NCOR2: variants seen among roughly 807,000 people sequenced by gnomAD.
NCOR2 encodes nuclear receptor corepressor 2.
A neutral mutation model predicts 262.9 loss-of-function variants in NCOR2; 81 were observed. That is an observed-to-expected ratio of 0.31 (90% CI 0.26 to 0.37). The LOEUF is 0.37. Among genes scored for constraint, NCOR2 ranks in the 10% least tolerant of loss-of-function variants. The probability of loss-of-function intolerance (pLI) is 1.00; values close to 1 mark genes in which losing one functional copy is unlikely to be tolerated. For missense variants in NCOR2, 3,385 were observed against 3,621.4 expected (o/e 0.93, Z 1.68); for synonymous variants, 1,659 against 1,559.3 (o/e 1.06, Z -1.51).
At chr12:124,356,582 C>T in intron 23 of NCOR2, 60 bp downstream of exon 25, 1 of 1,333,654 alleles carries the variant, frequency 7.5e-7, no homozygotes, top group Admixed American at 3.5e-5. Context: ...CCAGTGCAAA[C>T]AGTGCAAACA....
chr12:124,533,771 C>T (rs951468401), intron 1 of NCOR2, among the ~76,000 whole-genome samples: 4 of 152,178 alleles, frequency 2.6e-5, no homozygotes, highest in Admixed American at 1.3e-4. Context: ...TGTGGGAGCA[C>T]GATGGGGGTG....
At chr12:124,365,689 C>A (rs1006085806) in intron 20 of NCOR2, among the ~76,000 whole-genome samples, 1 of 152,048 alleles carries the variant, frequency 6.6e-6, no homozygotes, top group African/African-American at 2.4e-5. Flanking sequence ...TCTGCATGCA[C>A]CTCCACCGCC....
intron 22 of NCOR2, among the ~76,000 whole-genome samples, chr12:124,358,295 G>A (rs1244076): frequency 0.058 from 8,609 of 148,924 alleles, 327 homozygotes; most frequent in Non-Finnish European, 0.086. Flanking sequence ...GTATGTGCAC[G>A]TGCACGTGTA....
chr12:124,464,555 C>G (rs2046329926), intron 5 of NCOR2, among the ~76,000 whole-genome samples: 1 of 152,228 alleles, frequency 6.6e-6, no homozygotes, highest in Non-Finnish European at 1.5e-5. Flanking sequence ...AACAGTAGTT[C>G]TACTAAATGC....
chr12:124,375,838 G>GT (rs2039949061), intron 18 of NCOR2, among the ~76,000 whole-genome samples: 1 of 152,200 alleles, frequency 6.6e-6, no homozygotes. Context: ...CCGCGCTGGT[G>GT]TATTTCCAGC....
chr12:124,337,446 A>C, intron 37 of NCOR2: 1 of 661,500 alleles, frequency 1.5e-6, no homozygotes, highest in South Asian at 1.5e-5. Flanking sequence ...CTGTGAATAC[A>C]GCGGTCATAA....
chr12:124,335,654 G>C (rs771875006), intron 38 of NCOR2, 22 bp from the exon 41 acceptor site: 13 of 1,583,712 alleles, frequency 8.2e-6, no homozygotes, highest in Admixed American at 1.7e-5. Context: ...GGGGGGTGCA[G>C]AGTCAGGCAC....
chr12:124,335,847 G>A (rs759602412), intron 38 of NCOR2: 67 of 570,460 alleles, frequency 1.2e-4, no homozygotes, highest in Non-Finnish European at 1.9e-4. Flanking sequence ...GCAGAGCCCG[G>A]GACAGAGACA....
chr12:124,467,217 T>C, intron 4 of NCOR2, among the ~76,000 whole-genome samples: 1 of 117,264 alleles, frequency 8.5e-6, no homozygotes, highest in East Asian at 2.9e-4. Flanking sequence ...CTCATCACTG[T>C]CATCCTCATC....
At chr12:124,340,271 G>A (rs769584527) in intron 36 of NCOR2, 23 bp downstream of exon 38, 5 of 1,608,158 alleles carry the variant, frequency 3.1e-6, no homozygotes, top group Non-Finnish European at 4.2e-6. Context: ...CCGGAGCGGG[G>A]GGTGGGGGCT....
At chr12:124,452,976 C>A (rs1259276500) in intron 6 of NCOR2, among the ~76,000 whole-genome samples, 1 of 152,116 alleles carries the variant, frequency 6.6e-6, no homozygotes, top group Non-Finnish European at 1.5e-5. Context: ...ACCCCAGGAG[C>A]CCAGGGGAGG....
rs189214547 is a variant in NCOR2, at chr12:124,448,579, C to G, written c.815+1236G>C. On this transcript the variant is annotated intron_variant, in intron 7 of 46. Coordinates refer to ENST00000405201, the Ensembl canonical transcript of NCOR2. Reference sequence around the variant, plus strand: ...TGGTGAAGTATCTTTGTCAGGTGCTCCTGAACCCGAGAAGGCCAAGGGCCT... The same window carrying G: ...TGGTGAAGTATCTTTGTCAGGTGCTGCTGAACCCGAGAAGGCCAAGGGCCT... Among the ~76,000 whole-genome samples, 496 of 152,254 alleles carry G rather than the reference C, an allele frequency of 3.3e-3. 2 individuals carry two copies. Among genetic ancestry groups the G allele is most frequent in the African/African-American group, 0.011 (469 of 41,540 alleles).
At chr12:124,346,942 G>C in intron 30 of NCOR2, 92 bp from the exon 33 acceptor site, 1 of 1,357,512 alleles carries the variant, frequency 7.4e-7, no homozygotes, top group Non-Finnish European at 9.5e-7. Context: ...TAGTCTGCCT[G>C]AGTTCAAATC....
At chr12:124,325,229 A>T in exon 47 of NCOR2, 1 of 411,188 alleles carries the variant, frequency 2.4e-6, no homozygotes, top group Non-Finnish European at 4.3e-6. Flanking sequence ...AGTCTTAGTT[A>T]AGGCTTTAGA....
chr12:124,421,062 A>T (rs990543923), intron 12 of NCOR2, among the ~76,000 whole-genome samples: 2 of 152,266 alleles, frequency 1.3e-5, no homozygotes, highest in Admixed American at 6.5e-5. Flanking sequence ...TAACAATTCA[A>T]GAGAGCTCCT....
At chr12:124,347,466 A>G in intron 30 of NCOR2, 1 of 249,582 alleles carries the variant, frequency 4.0e-6, no homozygotes, top group Non-Finnish European at 7.7e-6. Context: ...AGCCGCGAGA[A>G]CCTGAAAGAG....
intron 16 of NCOR2, among the ~76,000 whole-genome samples, chr12:124,390,142 A>G (rs1246958144): frequency 6.6e-6 from 1 of 152,172 alleles, no homozygotes; most frequent in African/African-American, 2.4e-5. Context: ...TCTCCACCTG[A>G]GTCCTGCCCT....
At chr12:124,348,620 T>G in intron 28 of NCOR2, 1 of 432,768 alleles carries the variant, frequency 2.3e-6, no homozygotes, top group Non-Finnish European at 4.1e-6. Context: ...TGTGACCACA[T>G]GAGCACGTGA....
intron 8 of NCOR2, among the ~76,000 whole-genome samples, chr12:124,433,839 C>G (rs2044132919): frequency 6.7e-6 from 1 of 150,340 alleles, no homozygotes; most frequent in African/African-American, 2.5e-5. Flanking sequence ...CTCCCTCTCT[C>G]TGTCTTACAC....
Sources: allele counts gnomAD v4.1 joint callset (sites outside exome capture counted in the v4.1 genomes callset), GRCh38; gene constraint gnomAD v4.1.1; transcripts MANE v1.5; gene names NCBI Gene and HGNC (gene_info 2026-07-23, HGNC 2026-07-21).